The following DST variants were observed in gnomAD, a reference collection of about 807,000 sequenced individuals.
DST encodes bullous pemphigoid antigen.
DST carries 253 observed loss-of-function variants against 875.2 expected under a neutral mutation model. The ratio of observed to expected loss-of-function variants is 0.29; its 90% CI spans 0.26 to 0.32. DST has a LOEUF of 0.32. Among genes scored for constraint, DST ranks in the 10% least tolerant of loss-of-function variants. DST has a pLI of 1.00. For missense variants in DST, 8,287 were observed against 9,111.6 expected (o/e 0.91, Z 3.68); for synonymous variants, 3,124 against 3,197.1 (o/e 0.98, Z 0.77).
intron 61 of DST, among the ~76,000 whole-genome samples, chr6:56,550,050 C>A (rs2097294916): frequency 6.6e-6 from 1 of 152,126 alleles, no homozygotes; most frequent in African/African-American, 2.4e-5. Context: ...TAAAATAGTG[C>A]TTGACACATA....
intron 88 of DST, 56 bp from the exon 89 acceptor site, chr6:56,482,933 A>T (rs1323390930): frequency 2.3e-6 from 3 of 1,326,218 alleles, no homozygotes; most frequent in Non-Finnish European, 3.0e-6. Flanking sequence ...AAACAGCAAC[A>T]CATACTGTTT....
At chr6:56,613,393 C>A (rs2098565816) in intron 37 of DST, among the ~76,000 whole-genome samples, 1 of 152,134 alleles carries the variant, frequency 6.6e-6, no homozygotes, top group African/African-American at 2.4e-5. Context: ...GGAACACTTG[C>A]CTCATATCAC....
intron 69 of DST, among the ~76,000 whole-genome samples, chr6:56,520,552 A>G (rs1008364985): frequency 6.6e-6 from 1 of 152,030 alleles, no homozygotes; most frequent in Non-Finnish European, 1.5e-5. Flanking sequence ...AACTGAGTAG[A>G]GGATACAATG....
intron 4 of DST, among the ~76,000 whole-genome samples, chr6:56,847,625 C>G (rs544487518): frequency 6.6e-6 from 1 of 152,294 alleles, no homozygotes; most frequent in East Asian, 1.9e-4. Context: ...AAGTGGGCTT[C>G]CCTTTCACCC....
rs771142303 is a variant in DST at position 56,634,161 on chromosome 6, C to T, written c.3592G>A (p.Asp1198Asn). The part of the protein sequence containing the change: ...VSWHYLINEI[D>N]RIRASNVASI... The stretch of plus-strand genomic sequence containing the variant: ...GCCACATTGCTAGCTCGAATTCTAT[C>T]AATTTCATTGATGAGATAATGCCAG... Residue 1198 changes from aspartate to asparagine, a missense_variant, in exon 27 of 104, where the codon GAT becomes AAT. Asp to Asn is a conservative substitution (Grantham distance 23). Coordinates refer to ENST00000680361, the MANE Select transcript of DST (RefSeq NM_001374736.1). The T allele has an allele frequency of 1.9e-6, 3 of 1,613,420 alleles. No homozygotes were observed. The highest frequency in any genetic ancestry group is 2.2e-5 in the South Asian group (2 of 91,074).
chr6:56,615,811 T>A, intron 36 of DST: 1 of 1,614,110 alleles, frequency 6.2e-7, no homozygotes, highest in Non-Finnish European at 8.5e-7. Flanking sequence ...AACATCGGAT[T>A]CCCATTTCCT....
intron 4 of DST, chr6:56,843,473 G>A (rs1449301619): frequency 1.1e-5 from 11 of 996,666 alleles, no homozygotes; most frequent in Non-Finnish European, 1.3e-5. Context: ...GCGGAGGAGC[G>A]GGGCGTGCGG....
At chr6:56,489,109 C>T (rs190291326) in intron 86 of DST, among the ~76,000 whole-genome samples, 6 of 152,256 alleles carry the variant, frequency 3.9e-5, no homozygotes, top group Non-Finnish European at 7.4e-5. Flanking sequence ...TTACTTTTTA[C>T]TACAGAATTA....
chr6:56,900,585 CTCGTCT>C lies in DST; in HGVS notation c.247_252del (p.Arg83_Arg84del), dbSNP rs758514130. 1 of 1,367,680 alleles carries C rather than the reference CTCGTCT, an allele frequency of 7.3e-7. No individual in the cohort carries two copies. The highest frequency in any genetic ancestry group is 1.1e-5 in the South Asian group (1 of 88,058). The allele number at this position is 1,367,680 out of a possible 1,614,324, so 84.7% of individuals were successfully genotyped here. A position where few individuals can be genotyped will look rare whatever the true frequency, so the allele number is the denominator to read the frequency against. ...AGACGGGCAGCTGCGGCCGCTGCAACTCGTCTTCTAAGATGCCGAGGGCTTGCTCTG... is the reference window on the plus strand; with the variant it reads ...AGACGGGCAGCTGCGGCCGCTGCAACTCTAAGATGCCGAGGGCTTGCTCTG... On this transcript the variant is annotated inframe_deletion, in exon 3 of 104. Coordinates refer to ENST00000680361, the MANE Select transcript of DST (RefSeq NM_001374736.1).
chr6:56,715,123 T>G (rs1298529058), intron 5 of DST, among the ~76,000 whole-genome samples: 5 of 152,150 alleles, frequency 3.3e-5, no homozygotes, highest in African/African-American at 1.2e-4. Context: ...ACCTTAGCCA[T>G]GCACTCAGCT....
intron 55 of DST, among the ~76,000 whole-genome samples, chr6:56,565,517 T>C (rs1040192629): frequency 6.6e-6 from 1 of 152,158 alleles, no homozygotes; most frequent in African/African-American, 2.4e-5. Context: ...ATCTGTCTGG[T>C]CCTGGGCTTT....
At chr6:56,613,301 A>AAGT (rs1197111789) in intron 37 of DST, among the ~76,000 whole-genome samples, 5 of 152,228 alleles carry the variant, frequency 3.3e-5, no homozygotes, top group African/African-American at 1.2e-4. Flanking sequence ...TAAGACTATG[A>AAGT]CTGAATACTT....
chr6:56,529,326 C>CT (rs977311095), intron 66 of DST, 122 bp downstream of exon 66: 7 of 852,466 alleles, frequency 8.2e-6, no homozygotes, highest in African/African-American at 1.7e-5. Flanking sequence ...TATAAACAGT[C>CT]TTTTTTTAAG....
At chr6:56,478,649 CATATA>C (rs1423708793) in intron 90 of DST, among the ~76,000 whole-genome samples, 1 of 152,150 alleles carries the variant, frequency 6.6e-6, no homozygotes, top group Non-Finnish European at 1.5e-5. Flanking sequence ...TCCAAAATCT[CATATA>C]GAATGTTAGA....
chr6:56,472,334 C>T (rs1030270907), intron 93 of DST, 112 bp from the exon 94 acceptor site: 17 of 939,410 alleles, frequency 1.8e-5, no homozygotes, highest in Middle Eastern at 2.2e-4. Context: ...TACGTGTTTA[C>T]GCAAGTAAAA....
At chr6:56,949,432 T>A (rs1821258886) in intron 2 of DST, among the ~76,000 whole-genome samples, 1 of 152,180 alleles carries the variant, frequency 6.6e-6, no homozygotes, top group Non-Finnish European at 1.5e-5. Flanking sequence ...GCATTTGTGA[T>A]TCATAGTTGG....
intron 9 of DST, among the ~76,000 whole-genome samples, chr6:56,671,423 T>C (rs1267586121): frequency 1.3e-5 from 2 of 152,202 alleles, no homozygotes; most frequent in Admixed American, 1.3e-4. Context: ...TATATAACAA[T>C]TTGGCCAGAA....
At chr6:56,778,607 C>T (rs1434942022) in intron 4 of DST, among the ~76,000 whole-genome samples, 1 of 137,954 alleles carries the variant, frequency 7.2e-6, no homozygotes, top group East Asian at 2.2e-4. Context: ...TTGTTCAATT[C>T]CCATCTATGA....
At chr6:56,702,870 C>A (rs58657694) in intron 7 of DST, among the ~76,000 whole-genome samples, 27,825 of 151,864 alleles carry the variant, frequency 0.18, 3,553 homozygotes, top group East Asian at 0.48. Flanking sequence ...GTTGCTGAAG[C>A]CAAAGGTGCC....
Sources: allele counts gnomAD v4.1 joint callset (sites outside exome capture counted in the v4.1 genomes callset), GRCh38; gene constraint gnomAD v4.1.1; transcripts MANE v1.5; gene names NCBI Gene and HGNC (gene_info 2026-07-23, HGNC 2026-07-21).